Variants in FGF14 observed in about 807,000 individuals in gnomAD.
FGF14 encodes the protein fibroblast growth factor homologous factor 4.
A neutral mutation model predicts 25.5 loss-of-function variants in FGF14; 5 were observed. The ratio of observed to expected loss-of-function variants is 0.20; its 90% confidence interval spans 0.10 to 0.41. The LOEUF (loss-of-function observed/expected upper bound fraction) is 0.41, where lower values mean the gene tolerates loss of function less well. Ranked by LOEUF, FGF14 falls within the 10% of genes least tolerant of loss-of-function variation. The probability of loss-of-function intolerance (pLI) is 1.00; values close to 1 mark genes in which losing one functional copy is unlikely to be tolerated. For missense variants in FGF14, 222 were observed against 320.1 expected (o/e 0.69, Z 2.34); for synonymous variants, 138 against 118.3 (o/e 1.17, Z -1.08).
chr13:101,916,785 G>A lies in FGF14; in HGVS notation c.-140C>T. The A allele has an allele frequency of 2.7e-6, 2 of 728,204 alleles. No individual in the cohort carries two copies. Among genetic ancestry groups the A allele is most frequent in the Non-Finnish European group, 4.3e-6 (2 of 462,050 alleles). The allele number at this position is 728,204 out of a possible 1,614,324, so 45.1% of individuals were successfully genotyped here. A position where few individuals can be genotyped will look rare whatever the true frequency, so the allele number is the denominator to read the frequency against. On this transcript the variant is annotated 5_prime_UTR_variant, in exon 1 of 5. Transcript: ENST00000376143. ...GTGCCAGGCGGGACTGGGGAGAGGG[G>A]AAGGGGGGCTCAGTCCTGACCGGGA... is the stretch of plus-strand genomic sequence containing the variant.
intron 2 of FGF14, among the ~76,000 whole-genome samples, chr13:101,871,669 G>A (rs2045096476): frequency 6.6e-6 from 1 of 151,786 alleles, no homozygotes; most frequent in African/African-American, 2.4e-5. Context: ...AAAAATCCAT[G>A]GCATCCCCAA....
At chr13:101,924,764 A>C (rs1220634987) in intron 1 of FGF14, among the ~76,000 whole-genome samples, 1 of 152,218 alleles carries the variant, frequency 6.6e-6, no homozygotes, top group Non-Finnish European at 1.5e-5. Context: ...TGATTGCCAA[A>C]GTTACACAGC....
At chr13:101,972,252 G>T (rs1038953540) in intron 1 of FGF14, among the ~76,000 whole-genome samples, 1 of 152,230 alleles carries the variant, frequency 6.6e-6, no homozygotes, top group Non-Finnish European at 1.5e-5. Context: ...TGCAAGCCCA[G>T]TGCTGAACGA....
chr13:101,744,106 A>C (rs757302574), intron 3 of FGF14, among the ~76,000 whole-genome samples: 1 of 152,160 alleles, frequency 6.6e-6, no homozygotes, highest in Admixed American at 6.5e-5. Context: ...TAACATTTGC[A>C]ACCTTTGTAT....
chr13:101,899,255 C>A (rs1211689987), intron 1 of FGF14, among the ~76,000 whole-genome samples: 1 of 151,968 alleles, frequency 6.6e-6, no homozygotes, highest in Non-Finnish European at 1.5e-5. Flanking sequence ...CTATAGTTTT[C>A]TTTCTAAAAT....
intron 1 of FGF14, among the ~76,000 whole-genome samples, chr13:101,902,173 G>A (rs757458381): frequency 3.9e-5 from 6 of 152,188 alleles, no homozygotes; most frequent in Admixed American, 2.0e-4. Flanking sequence ...ACTCTGAGAT[G>A]AGAATATATA....
intron 1 of FGF14, among the ~76,000 whole-genome samples, chr13:102,340,798 C>T (rs1180177999): frequency 6.6e-6 from 1 of 152,116 alleles, no homozygotes; most frequent in Non-Finnish European, 1.5e-5. Context: ...CTTTCGTGGG[C>T]TTTCAGAGTT....
intron 1 of FGF14, among the ~76,000 whole-genome samples, chr13:102,260,430 G>T (rs891588028): frequency 2.0e-5 from 3 of 152,234 alleles, no homozygotes; most frequent in African/African-American, 7.2e-5. Flanking sequence ...TGGCGTGGCA[G>T]CATTTCAGCC....
At chr13:101,729,059 A>G (rs1047906850) in intron 3 of FGF14, among the ~76,000 whole-genome samples, 1 of 152,024 alleles carries the variant, frequency 6.6e-6, no homozygotes, top group African/African-American at 2.4e-5. Flanking sequence ...TTCTGACACT[A>G]TATCTTTTCA....
chr13:101,771,794 C>T (rs2038789741), intron 3 of FGF14, among the ~76,000 whole-genome samples: 1 of 151,834 alleles, frequency 6.6e-6, no homozygotes, highest in Non-Finnish European at 1.5e-5. Context: ...TTTTGAAACA[C>T]ATTTTAATGA....
chr13:101,980,021 A>T (rs1260069544), intron 1 of FGF14, among the ~76,000 whole-genome samples: 1 of 152,214 alleles, frequency 6.6e-6, no homozygotes, highest in Non-Finnish European at 1.5e-5. Flanking sequence ...ACCATTTTTA[A>T]GCACTTTTTA....
chr13:102,191,955 G>C (rs984230561), intron 1 of FGF14, among the ~76,000 whole-genome samples: 10 of 152,154 alleles, frequency 6.6e-5, no homozygotes. Context: ...AACCAACCAA[G>C]GCAAATTCCA....
intron 1 of FGF14, among the ~76,000 whole-genome samples, chr13:102,352,656 C>CAA (rs1200020884): frequency 2.0e-5 from 3 of 151,824 alleles, no homozygotes; most frequent in African/African-American, 7.3e-5. Context: ...ACTAAAAATA[C>CAA]AAAAAATTAG....
At chr13:101,862,510 T>G (rs1317255896) in intron 3 of FGF14, among the ~76,000 whole-genome samples, 2 of 152,156 alleles carry the variant, frequency 1.3e-5, no homozygotes, top group Non-Finnish European at 1.5e-5. Context: ...AATTGGATAT[T>G]CCATAATTTC....
At chr13:102,115,721 T>G (rs1483910208) in intron 1 of FGF14, among the ~76,000 whole-genome samples, 1 of 152,120 alleles carries the variant, frequency 6.6e-6, no homozygotes, top group East Asian at 1.9e-4. Context: ...AGGCTACCTA[T>G]CGAGTATTTT....
intron 1 of FGF14, among the ~76,000 whole-genome samples, chr13:102,269,805 G>A (rs898330354): frequency 1.3e-5 from 2 of 152,060 alleles, no homozygotes; most frequent in Non-Finnish European, 2.9e-5. Flanking sequence ...AGGAGTTCAA[G>A]GCCAGCCTGG....
intron 3 of FGF14, among the ~76,000 whole-genome samples, chr13:101,780,943 C>T (rs1369185330): frequency 6.6e-6 from 1 of 152,150 alleles, no homozygotes; most frequent in Non-Finnish European, 1.5e-5. Context: ...CCTGCATGGC[C>T]TTCCCACTGC....
intron 1 of FGF14, among the ~76,000 whole-genome samples, chr13:102,066,621 T>C (rs2042914301): frequency 6.6e-6 from 1 of 152,214 alleles, no homozygotes; most frequent in African/African-American, 2.4e-5. Flanking sequence ...AATTTCCAAA[T>C]GATACATTCA....
chr13:101,816,127 G>C (rs990914831), intron 3 of FGF14, among the ~76,000 whole-genome samples: 1 of 151,280 alleles, frequency 6.6e-6, no homozygotes, highest in Non-Finnish European at 1.5e-5. Flanking sequence ...AAAATTAGCC[G>C]GGCGTGTTGG....
Sources: gnomAD v4.1 joint callset for allele counts (sites outside exome capture counted in the v4.1 genomes callset) on GRCh38, gnomAD v4.1.1 for gene constraint, MANE v1.5 for transcripts, NCBI Gene and HGNC (gene_info 2026-07-23, HGNC 2026-07-21) for gene names.